Variants in ACACB observed in about 807,000 individuals in gnomAD.
The protein encoded by ACACB is acetyl-CoA carboxylase 2.
Under a neutral mutation model 278.8 loss-of-function variants are expected in ACACB, and 209 were observed. That is an observed-to-expected ratio of 0.75 (90% CI 0.67 to 0.84). ACACB has a LOEUF of 0.84. Ranked by LOEUF, ACACB falls within the 40% of genes least tolerant of loss-of-function variation. The probability of loss-of-function intolerance (pLI) is 0.00; values close to 1 mark genes in which losing one functional copy is unlikely to be tolerated. For missense variants in ACACB, 2,850 were observed against 3,269.0 expected (o/e 0.87, Z 3.13); for synonymous variants, 1,174 against 1,285.6 (o/e 0.91, Z 1.86).
chr12:109,242,623 C>T (rs1438520313), intron 37 of ACACB, 31 bp downstream of exon 37: 2 of 1,611,362 alleles, frequency 1.2e-6, no homozygotes, highest in Non-Finnish European at 1.7e-6. Flanking sequence ...GCGGTACCCC[C>T]TGGGTCCTCC....
At chr12:109,172,594 C>T (rs958358307) in intron 6 of ACACB, among the ~76,000 whole-genome samples, 8 of 152,054 alleles carry the variant, frequency 5.3e-5, no homozygotes, top group African/African-American at 1.9e-4. Flanking sequence ...AGCCAACAAG[C>T]ATATGAAAAA....
intron 2 of ACACB, among the ~76,000 whole-genome samples, chr12:109,156,968 A>C (rs2043559698): frequency 6.6e-6 from 1 of 152,056 alleles, no homozygotes; most frequent in Admixed American, 6.6e-5. Flanking sequence ...GGGGGCACTA[A>C]GTGGAGAGTG....
At chr12:109,158,975 G>GAAAC (rs2067239) in intron 2 of ACACB, among the ~76,000 whole-genome samples, 140,279 of 151,950 alleles carry the variant, frequency 0.92, 65,067 homozygotes, top group African/African-American at 0.98. Context: ...ACTCCCTTTC[G>GAAAC]AAACAAACGA....
In ACACB at chr12:109,185,651, A is replaced by C; in HGVS notation, c.1891A>C (p.Thr631Pro). Residue 631 changes from threonine (T) to proline (P), a missense_variant, in exon 12 of 53, where the codon ACT becomes CCT. By Grantham distance (38) the Thr-to-Pro change is conservative. Around this residue, in one of 3 missense-constraint regions of ACACB, gnomAD observed 2,265 missense variants for 2,561.3 expected, o/e 0.88. Coordinates refer to ENST00000338432, the MANE Select transcript of ACACB (RefSeq NM_001093.4). ...LLYGESPWGV[T>P]PISFETPSNP... The stretch of plus-strand genomic sequence containing the variant: ...GTATGGAGAGTCACCATGGGGAGTG[A>C]CTCCCATTTCTTTTGAAACCCCCTC... 1 of 1,612,814 alleles carries C rather than the reference A, an allele frequency of 6.2e-7. No homozygotes were observed. The highest frequency in any genetic ancestry group is 8.5e-7 in the Non-Finnish European group (1 of 1,179,578).
At chr12:109,242,910 G>A (rs2046841212) in intron 37 of ACACB, among the ~76,000 whole-genome samples, 1 of 152,096 alleles carries the variant, frequency 6.6e-6, no homozygotes, top group African/African-American at 2.4e-5. Flanking sequence ...AGGCTGCAGT[G>A]AGCCATGATG....
chr12:109,185,843 A>G (rs911263527), intron 12 of ACACB, 103 bp downstream of exon 12: 1 of 1,211,730 alleles, frequency 8.3e-7, no homozygotes, highest in African/African-American at 1.6e-5. Context: ...CTATCCAGGC[A>G]TCTCAGTTTA....
At position 109,164,598 on chromosome 12, in the gene ACACB, G is replaced by A. The variant is rs191735011; in HGVS notation, c.654-2263G>A. On this transcript the variant is annotated intron_variant, in intron 2 of 52. Coordinates refer to ENST00000338432, the MANE Select transcript of ACACB (RefSeq NM_001093.4). ...GTGAGGGCAGGAGAAAGGCTGAAGT[G>A]CAATGGTGCAATCCTAGCTCACTGC... 6.5e-3 allele frequency among the ~76,000 whole-genome samples: 982 copies of A among 152,052 alleles called. 11 individuals carry two copies. Among genetic ancestry groups the A allele is most frequent in the Non-Finnish European group, 7.2e-3 (489 of 67,992 alleles).
chr12:109,223,723 C>T (rs533552525), intron 26 of ACACB, 92 bp from the exon 27 acceptor site: 1 of 1,197,554 alleles, frequency 8.4e-7, no homozygotes, highest in African/African-American at 1.5e-5. Flanking sequence ...GATCACACCA[C>T]TGCACTCCAG....
At chr12:109,186,033 C>A (rs940343548) in intron 12 of ACACB, among the ~76,000 whole-genome samples, 1 of 152,122 alleles carries the variant, frequency 6.6e-6, no homozygotes, top group African/African-American at 2.4e-5. Flanking sequence ...CAGGTTCAAG[C>A]GATTCTCCTG....
intron 2 of ACACB, among the ~76,000 whole-genome samples, chr12:109,150,374 C>T (rs1263750010): frequency 1.3e-5 from 2 of 152,190 alleles, no homozygotes; most frequent in East Asian, 1.9e-4. Flanking sequence ...CCTGGCCGGG[C>T]TTACATCTTA....
At chr12:109,237,440 C>G in intron 34 of ACACB, 60 bp downstream of exon 34, 2 of 1,514,808 alleles carry the variant, frequency 1.3e-6, no homozygotes, top group East Asian at 4.9e-5. Flanking sequence ...TCCTTACATT[C>G]CTGCTCTGTG....
intron 13 of ACACB, among the ~76,000 whole-genome samples, chr12:109,189,054 GC>G: frequency 6.6e-6 from 1 of 152,284 alleles, no homozygotes; most frequent in East Asian, 1.9e-4. Flanking sequence ...GAGCTGAGAA[GC>G]CCACATTGAC....
intron 7 of ACACB, 109 bp from the exon 8 acceptor site, chr12:109,175,822 C>T (rs1251936433): frequency 4.5e-6 from 4 of 880,310 alleles, no homozygotes; most frequent in Non-Finnish European, 7.3e-6. Flanking sequence ...TCCGCTGGTC[C>T]AGAAGCCCAG....
chr12:109,167,076 G>A, intron 3 of ACACB, 83 bp downstream of exon 3: 1 of 1,585,290 alleles, frequency 6.3e-7, no homozygotes, highest in South Asian at 1.1e-5. Flanking sequence ...GGAGATTCGG[G>A]TTCAGGCTCA....
At chr12:109,172,246 T>C (rs1397112582) in intron 5 of ACACB, 29 bp from the exon 6 acceptor site, 10 of 1,608,302 alleles carry the variant, frequency 6.2e-6, no homozygotes, top group Non-Finnish European at 8.5e-6. Flanking sequence ...TGAAGGAAGA[T>C]TGTTGCTCAC....
In ACACB at chr12:109,264,394, C is replaced by T. The variant is rs1391829558; in HGVS notation, c.6942+8C>T. On this transcript the variant is annotated splice_region_variant and intron_variant, in intron 50 of 52. Coordinates refer to ENST00000338432, the MANE Select transcript of ACACB (RefSeq NM_001093.4). ...GAGAAGGGCGTCATATCTGTGAGAG[C>T]CACAGCTGCCGTGTAGGGTGCAAAG... The T allele has an allele frequency of 6.2e-7, 1 of 1,614,030 alleles. No individual in the cohort carries two copies.
At chr12:109,238,573 A>ATG (rs961289839) in intron 34 of ACACB, among the ~76,000 whole-genome samples, 1 of 145,598 alleles carries the variant, frequency 6.9e-6, no homozygotes, top group Non-Finnish European at 1.5e-5. Flanking sequence ...ATATATATAT[A>ATG]TTTTTTTGGA....
At chr12:109,117,171 C>A (rs1427837731) in intron 1 of ACACB, among the ~76,000 whole-genome samples, 1 of 150,094 alleles carries the variant, frequency 6.7e-6, no homozygotes, top group South Asian at 2.1e-4. Flanking sequence ...ACCAGCCTGG[C>A]CAACATGGCG....
At chr12:109,216,950 TG>T in intron 24 of ACACB, 30 bp downstream of exon 24, 1 of 1,608,690 alleles carries the variant, frequency 6.2e-7, no homozygotes, top group South Asian at 1.1e-5. Flanking sequence ...GTTACTAGAC[TG>T]GGGGTGGGTC....
Sources: gnomAD v4.1 joint callset for allele counts (sites outside exome capture counted in the v4.1 genomes callset) on GRCh38, gnomAD v4.1.1 for gene constraint, gnomAD v4.1.1 regional missense constraint, MANE v1.5 for transcripts, NCBI Gene and HGNC (gene_info 2026-07-23, HGNC 2026-07-21) for gene names.